The following SPECC1L variants were observed in gnomAD, a reference collection of about 807,000 sequenced individuals.
The protein encoded by SPECC1L is sperm antigen with calponin homology and coiled-coil domains 1 like.
In SPECC1L, 40 loss-of-function variants were observed where a neutral mutation model predicts 116.8. That is an observed-to-expected ratio of 0.34 (90% confidence interval 0.27 to 0.45). The LOEUF (loss-of-function observed/expected upper bound fraction) is 0.45. SPECC1L is among the 20% of genes least tolerant of loss of function. The probability of loss-of-function intolerance (pLI) is 1.00; values close to 1 mark genes in which losing one functional copy is unlikely to be tolerated. For missense variants in SPECC1L, 1,110 were observed against 1,373.6 expected, an observed-to-expected ratio of 0.81 and a Z score of 3.03; for synonymous variants, 504 against 500.6, an observed-to-expected ratio of 1.01 and a Z score of -0.09.
chr22:24,390,238 C>A (rs181072728), intron 14 of SPECC1L, among the ~76,000 whole-genome samples: 1 of 151,884 alleles, frequency 6.6e-6, no homozygotes, highest in Non-Finnish European at 1.5e-5. Context: ...ACCTTCCTAG[C>A]GTCCTCTCTC....
chr22:24,334,704 C>G (rs773063838), intron 9 of SPECC1L, 131 bp downstream of exon 9: 9 of 962,918 alleles, frequency 9.3e-6, no homozygotes, highest in Non-Finnish European at 1.3e-5. Flanking sequence ...TATTAATGCA[C>G]TAGACTTAAC....
Position 24,321,510 on chromosome 22 carries a change from A to G in SPECC1L, c.530A>G (p.Asp177Gly), listed in dbSNP as rs748528993. 6.2e-7 allele frequency: 1 copy of G among 1,614,252 alleles called. No individual in the cohort carries two copies. The highest frequency in any genetic ancestry group is 1.1e-5 in the South Asian group (1 of 91,082). ...TCTAAGTCAGACAATCAGATCAGTGACAGAGCTGCTTTGGAGGCCAAAGTG... is the reference window on the plus strand; with the variant it reads ...TCTAAGTCAGACAATCAGATCAGTGGCAGAGCTGCTTTGGAGGCCAAAGTG... Reference protein sequence around the residue: ...SKSKSDNQISDRAALEAKVKD... With the variant: ...SKSKSDNQISGRAALEAKVKD... Residue 177 changes from aspartate to glycine, a missense_variant, in exon 5 of 17, where the codon GAC (aspartate) becomes GGC (glycine). Physicochemically the swap from Asp to Gly is moderately conservative, Grantham distance 94. This residue lies in a region of SPECC1L where 437 missense variants were observed against 482.6 expected (regional missense o/e 0.91). Transcript: ENST00000314328.
At chr22:24,324,837 T>G (rs1258543281) in intron 6 of SPECC1L, among the ~76,000 whole-genome samples, 2 of 151,934 alleles carry the variant, frequency 1.3e-5, no homozygotes, top group African/African-American at 4.8e-5. Context: ...GGTGACAGAG[T>G]GAGACTTTAT....
At chr22:24,328,797 CTG>C (rs775940147) in intron 6 of SPECC1L, 47 bp from the exon 7 acceptor site, 1 of 1,425,296 alleles carries the variant, frequency 7.0e-7, no homozygotes, top group Non-Finnish European at 9.9e-7. Context: ...TATTATTACT[CTG>C]AAGATTGTTG....
chr22:24,345,317 C>T (rs1247222785), intron 10 of SPECC1L, among the ~76,000 whole-genome samples: 3 of 152,106 alleles, frequency 2.0e-5, no homozygotes, highest in Non-Finnish European at 2.9e-5. Context: ...TTGAAATGGA[C>T]TATCAACCTA....
At chr22:24,378,491 G>T (rs1325560703) in intron 14 of SPECC1L, among the ~76,000 whole-genome samples, 3 of 152,204 alleles carry the variant, frequency 2.0e-5, no homozygotes, top group Non-Finnish European at 4.4e-5. Flanking sequence ...TGGCTAACTG[G>T]CACAAGTGGC....
chr22:24,279,306 T>C (rs2048896591), intron 2 of SPECC1L, among the ~76,000 whole-genome samples: 1 of 152,254 alleles, frequency 6.6e-6, no homozygotes, highest in South Asian at 2.1e-4. Flanking sequence ...TGGTTGCGCC[T>C]GTGCTGACCT....
Position 24,324,239 on chromosome 22 carries a change from C to T in SPECC1L, c.1958C>T (p.Ala653Val), listed in dbSNP as rs767950904. 5 of 1,613,650 alleles carry T rather than the reference C, an allele frequency of 3.1e-6. No individual in the cohort carries two copies. The African/African-American group carries it at 5.3e-5, about 17-fold the overall frequency. ...ACGTAGGTAGAGGATGAATACCGAG[C>T]CTTCCAAGAAGAAGCTAAGAAACAA... ...AIAKVEDEYRAFQEEAKKQIE... is the reference protein window; with the variant it reads ...AIAKVEDEYRVFQEEAKKQIE... The change falls in exon 6 of 17, where the codon GCC becomes GTC. Residue 653 changes from alanine (A) to valine (V), a missense_variant. This residue lies in a region of SPECC1L where 575 missense variants were observed against 682.4 expected (regional missense o/e 0.84). Transcript: ENST00000314328.
intron 3 of SPECC1L, among the ~76,000 whole-genome samples, chr22:24,307,833 C>G (rs1057069836): frequency 3.3e-5 from 5 of 151,604 alleles, no homozygotes; most frequent in Middle Eastern, 3.4e-3. Context: ...GCCACCATGC[C>G]TGGCCCCTAT....
intron 14 of SPECC1L, among the ~76,000 whole-genome samples, chr22:24,376,250 T>G (rs2041970095): frequency 6.6e-6 from 1 of 152,196 alleles, no homozygotes; most frequent in Non-Finnish European, 1.5e-5. Context: ...GGTTCAGACT[T>G]CTGGGCTCAA....
chr22:24,398,608 G>A (rs575663033), intron 14 of SPECC1L, among the ~76,000 whole-genome samples: 16 of 152,298 alleles, frequency 1.1e-4, no homozygotes, highest in Middle Eastern at 3.4e-3. Context: ...CTCAGAGAAG[G>A]CTTCTGAACA....
chr22:24,317,505 C>G (rs898105416), intron 4 of SPECC1L, among the ~76,000 whole-genome samples: 4 of 129,538 alleles, frequency 3.1e-5, no homozygotes, highest in African/African-American at 1.1e-4. Context: ...ACCTCCCTCC[C>G]GGACGGGGCG....
At chr22:24,372,113 C>G (rs944329757) in intron 14 of SPECC1L, among the ~76,000 whole-genome samples, 1 of 152,164 alleles carries the variant, frequency 6.6e-6, no homozygotes, top group Non-Finnish European at 1.5e-5. Flanking sequence ...AGACCAATAA[C>G]AGGCTCTGAA....
chr22:24,307,591 GTGTA>G (rs1300661222), intron 3 of SPECC1L, among the ~76,000 whole-genome samples: 1 of 151,898 alleles, frequency 6.6e-6, no homozygotes, highest in Non-Finnish European at 1.5e-5. Context: ...GTGTCTGTGT[GTGTA>G]TGTGAGTGTG....
At chr22:24,288,266 G>C (rs1279612243) in intron 2 of SPECC1L, among the ~76,000 whole-genome samples, 2 of 152,038 alleles carry the variant, frequency 1.3e-5, no homozygotes, top group Non-Finnish European at 2.9e-5. Flanking sequence ...TCTTTGTCGT[G>C]GGGGGCTGTC....
intron 14 of SPECC1L, among the ~76,000 whole-genome samples, chr22:24,379,609 A>G (rs1450384395): frequency 1.3e-5 from 2 of 152,192 alleles, no homozygotes; most frequent in African/African-American, 2.4e-5. Context: ...GAAATATGAT[A>G]TAGGATGGTT....
intron 2 of SPECC1L, among the ~76,000 whole-genome samples, chr22:24,297,576 T>G (rs534135710): frequency 8.0e-4 from 121 of 151,556 alleles, no homozygotes; most frequent in Non-Finnish European, 1.4e-3. Flanking sequence ...TTGGTTCTGT[T>G]TCTCTGGAGA....
chr22:24,396,626 ATAT>A (rs1471314118), intron 14 of SPECC1L, among the ~76,000 whole-genome samples: 1 of 152,202 alleles, frequency 6.6e-6, no homozygotes, highest in Admixed American at 6.5e-5. Context: ...TTTCTGAAAC[ATAT>A]TATTATTTCC....
chr22:24,319,411 T>C (rs748640647), intron 4 of SPECC1L, among the ~76,000 whole-genome samples: 10 of 152,212 alleles, frequency 6.6e-5, no homozygotes, highest in Non-Finnish European at 1.3e-4. Context: ...ACTGCTTCCA[T>C]GATTAAATTA....
Sources: gnomAD v4.1 joint callset for allele counts (sites outside exome capture counted in the v4.1 genomes callset) on GRCh38, gnomAD v4.1.1 for gene constraint, gnomAD v4.1.1 regional missense constraint, MANE v1.5 for transcripts, NCBI Gene and HGNC (gene_info 2026-07-23, HGNC 2026-07-21) for gene names.